L3HYPDH: variants seen among roughly 807,000 people sequenced by gnomAD.
L3HYPDH encodes the protein trans-3-hydroxy-L-proline dehydratase.
L3HYPDH carries 32 observed loss-of-function variants against 26.5 expected under a neutral mutation model. That is an observed-to-expected ratio of 1.21 (90% CI 0.91 to 1.62). The LOEUF is 1.62. L3HYPDH is among the 40% of genes most tolerant of loss of function. L3HYPDH has a pLI of 0.00. For missense variants in L3HYPDH, 554 were observed against 476.4 expected, an observed-to-expected ratio of 1.16 and a Z score of -1.52; for synonymous variants, 215 against 196.6, an observed-to-expected ratio of 1.09 and a Z score of -0.78.
chr14:59,482,724 C>CT (rs574399157), intron 1 of L3HYPDH, among the ~76,000 whole-genome samples: 5 of 152,332 alleles, frequency 3.3e-5, no homozygotes, highest in Admixed American at 3.3e-4. Context: ...AGTGCCTGTT[C>CT]TATCAGTTAT....
At chr14:59,469,556 AT>A (rs1487011451), downstream of L3HYPDH, among the ~76,000 whole-genome samples, 1 of 74,080 alleles carries the variant, frequency 1.3e-5, no homozygotes, top group Non-Finnish European at 2.8e-5. Flanking sequence ...ACTCCATCTC[AT>A]TAAAAAAAAA....
At chr14:59,478,933 A>T (rs1355009657) in intron 2 of L3HYPDH, 2 of 363,216 alleles carry the variant, frequency 5.5e-6, no homozygotes, top group Non-Finnish European at 9.7e-6. Context: ...TTGCAAAAAA[A>T]CTCATAATGT....
At chr14:59,480,228 T>A (rs1251622955) in intron 1 of L3HYPDH, among the ~76,000 whole-genome samples, 3 of 152,190 alleles carry the variant, frequency 2.0e-5, no homozygotes, top group Admixed American at 6.5e-5. Context: ...GGAGAAATAT[T>A]TCTCCTAGAG....
chr14:59,489,425 A>T, the L3HYPDH span, among the ~76,000 whole-genome samples: 3 of 152,212 alleles, frequency 2.0e-5, no homozygotes, highest in Non-Finnish European at 2.9e-5. Context: ...ACAGTTCCTG[A>T]TAACTTCCTT....
intron 4 of L3HYPDH, among the ~76,000 whole-genome samples, chr14:59,473,616 C>G (rs566544911): frequency 6.6e-6 from 1 of 152,244 alleles, no homozygotes; most frequent in South Asian, 2.1e-4. Flanking sequence ...TTTGAGACAC[C>G]TCTGGGACAG....
In L3HYPDH at chr14:59,484,028, T is replaced by C. The variant is rs1477953304; in HGVS notation, c.289A>G (p.Asn97Asp). The C allele has an allele frequency of 6.2e-7, 1 of 1,605,112 alleles. No individual in the cohort carries two copies. Among genetic ancestry groups the C allele is most frequent in the Non-Finnish European group, 8.5e-7 (1 of 1,179,198 alleles). ...CCGCACATGGAGCTGTAGCCCTCGT[T>C]GTGCAGGAACAGGACGCCCAGATGC... is the stretch of plus-strand genomic sequence containing the variant. Reference protein sequence around the residue: ...DAHLGVLFLHNEGYSSMCGHA... With the variant: ...DAHLGVLFLHDEGYSSMCGHA... Residue 97 changes from asparagine to aspartate, a missense_variant, in exon 1 of 5, where the codon AAC (asparagine) becomes GAC (aspartate). Coordinates refer to ENST00000247194, the MANE Select transcript of L3HYPDH (RefSeq NM_144581.2).
downstream of L3HYPDH, among the ~76,000 whole-genome samples, chr14:59,467,762 C>T (rs561581818): frequency 3.9e-5 from 6 of 152,170 alleles, no homozygotes; most frequent in Non-Finnish European, 7.4e-5. Flanking sequence ...CCTACTTCCC[C>T]GGTAAAACTT....
upstream of L3HYPDH, chr14:59,484,735 C>G: frequency 8.9e-7 from 1 of 1,125,352 alleles, no homozygotes; most frequent in Non-Finnish European, 1.3e-6. Context: ...GCCCTCGGGC[C>G]GGGCTCCGCA....
At chr14:59,495,282 A>T in the L3HYPDH span, 2 of 1,340,870 alleles carry the variant, frequency 1.5e-6, no homozygotes, top group African/African-American at 2.9e-5. Flanking sequence ...GAGGATTATT[A>T]TAGATTTTAT....
chr14:59,470,981 G>A (rs1483266142), downstream of L3HYPDH, among the ~76,000 whole-genome samples: 3 of 148,346 alleles, frequency 2.0e-5, no homozygotes, highest in East Asian at 4.0e-4. Flanking sequence ...GCAGGAGACT[G>A]GAGACACCTG....
At chr14:59,501,174 CA>C in the L3HYPDH span, 1 of 1,474,782 alleles carries the variant, frequency 6.8e-7, no homozygotes, top group East Asian at 2.3e-5. Flanking sequence ...AACATAATAC[CA>C]ATGCTTATCT....
Position 59,472,993 on chromosome 14 carries a change from G to A in L3HYPDH, c.1037C>T (p.Pro346Leu), listed in dbSNP as rs747492381. 3.1e-6 allele frequency: 5 copies of A among 1,604,724 alleles called. No homozygotes were observed. Among genetic ancestry groups the A allele is most frequent in the African/African-American group, 1.4e-5 (1 of 74,068 alleles). ...TASFIIEDDD[P>L]LRDGFLLK ...CTTGAGAAGAAATCCATCCCTCAAT[G>A]GGTCGTCATCTTCTATTATAAAGCT... The change falls in exon 5 of 5, where the codon CCA becomes CTA. Residue 346 changes from proline (P) to leucine (L), a missense_variant. Pro to Leu is a moderately conservative substitution (Grantham distance 98). Transcript: ENST00000247194.
Position 59,484,303 on chromosome 14 carries a change from A to G in L3HYPDH, c.14T>C (p.Leu5Pro). Residue 5 changes from leucine to proline, a missense_variant, in exon 1 of 5, where the codon CTG becomes CCG. Physicochemically the swap from Leu to Pro is moderately conservative, Grantham distance 98. Transcript: ENST00000247194. MESA[L>P]AVPRLPPHDP... ...ATGCGGGGGCAGCCGGGGCACCGCC[A>G]GCGCGCTCTCCATGGTCTGCGTCGG... The G allele has an allele frequency of 6.3e-7, 1 of 1,589,646 alleles. No individual in the cohort carries two copies. The highest frequency in any genetic ancestry group is 1.7e-5 in the Admixed American group (1 of 59,588).
intron 1 of L3HYPDH, among the ~76,000 whole-genome samples, chr14:59,466,260 A>G (rs888081338): frequency 2.0e-5 from 3 of 152,176 alleles, no homozygotes; most frequent in East Asian, 3.8e-4. Context: ...CAGCCTGGCA[A>G]TCACCACAGA....
intron 1 of L3HYPDH, among the ~76,000 whole-genome samples, chr14:59,483,011 T>C (rs549918415): frequency 6.6e-6 from 1 of 152,338 alleles, no homozygotes; most frequent in African/African-American, 2.4e-5. Context: ...CTGCTTTACA[T>C]GATAAGCTGT....
At chr14:59,491,230 C>T in the L3HYPDH span, among the ~76,000 whole-genome samples, 3 of 152,136 alleles carry the variant, frequency 2.0e-5, no homozygotes, top group African/African-American at 7.2e-5. Context: ...GTGATGCATG[C>T]CCAGATGTGT....
At chr14:59,466,598 T>A (rs924508467) in intron 1 of L3HYPDH, among the ~76,000 whole-genome samples, 3 of 152,186 alleles carry the variant, frequency 2.0e-5, no homozygotes, top group Non-Finnish European at 4.4e-5. Context: ...ATGCACAAAT[T>A]TGAGAAACAC....
chr14:59,496,792 C>T, the L3HYPDH span, among the ~76,000 whole-genome samples: 1 of 152,150 alleles, frequency 6.6e-6, no homozygotes, highest in Admixed American at 6.5e-5. Context: ...AGCACCCTTA[C>T]CAACAGTCAT....
At position 59,484,229 on chromosome 14, in the gene L3HYPDH, C is replaced by T; in HGVS notation, c.88G>A (p.Glu30Lys). 2 of 1,598,432 alleles carry T rather than the reference C, an allele frequency of 1.3e-6. No homozygotes were observed. The highest frequency in any genetic ancestry group is 1.1e-5 in the South Asian group (1 of 91,054). Residue 30 changes from glutamate to lysine, a missense_variant, in exon 1 of 5, where the codon GAG becomes AAG. Coordinates refer to ENST00000247194, the MANE Select transcript of L3HYPDH (RefSeq NM_144581.2). Reference protein sequence around the residue: ...LSVVDMHTGGEPLRIVLAGCP... With the variant: ...LSVVDMHTGGKPLRIVLAGCP... Reference sequence around the variant, plus strand: ...CCCGCCAGCACGATACGCAAGGGCTCGCCGCCCGTGTGCATGTCCACCACC... The same window carrying T: ...CCCGCCAGCACGATACGCAAGGGCTTGCCGCCCGTGTGCATGTCCACCACC...
Sources: allele counts gnomAD v4.1 joint callset (sites outside exome capture counted in the v4.1 genomes callset), GRCh38; gene constraint gnomAD v4.1.1; transcripts MANE v1.5; gene names NCBI Gene and HGNC (gene_info 2026-07-23, HGNC 2026-07-21).